Variants in CHIC2 observed in about 807,000 individuals in gnomAD.
CHIC2 encodes the protein cysteine rich hydrophobic domain 2.
CHIC2 carries 14 observed loss-of-function variants against 25.9 expected under a neutral mutation model. That is an observed-to-expected ratio of 0.54 (90% confidence interval 0.36 to 0.85). The LOEUF is 0.85. Ranked by LOEUF, CHIC2 falls within the 40% of genes least tolerant of loss-of-function variation. The pLI is 0.01. For missense variants in CHIC2, 146 were observed against 202.0 expected, an observed-to-expected ratio of 0.72 and a Z score of 1.68; for synonymous variants, 70 against 72.0, an observed-to-expected ratio of 0.97 and a Z score of 0.14.
the CHIC2 span, among the ~76,000 whole-genome samples, chr4:54,088,796 T>C: frequency 6.6e-6 from 1 of 152,214 alleles, no homozygotes; most frequent in Non-Finnish European, 1.5e-5. Flanking sequence ...CGATAGTAGT[T>C]GGAGTGTTAA....
chr4:54,018,424 T>TA (rs1353952166), intron 3 of CHIC2, among the ~76,000 whole-genome samples: 1 of 152,142 alleles, frequency 6.6e-6, no homozygotes, highest in African/African-American at 2.4e-5. Context: ...AGATATAAAT[T>TA]AGTCTTCCAG....
upstream of CHIC2, chr4:54,064,746 C>A (rs1309578054): frequency 1.6e-5 from 11 of 692,854 alleles, 1 homozygote; most frequent in Non-Finnish European, 2.0e-5. The surrounding 1 kb of genome is among the most constrained non-coding windows in gnomAD (Gnocchi z 4.2). Context: ...CGCGCACGTG[C>A]GGCCTCGCGC....
intron 3 of CHIC2, among the ~76,000 whole-genome samples, chr4:54,045,607 T>G (rs1354421933): frequency 6.6e-6 from 1 of 151,936 alleles, no homozygotes; most frequent in Non-Finnish European, 1.5e-5. Context: ...CAACCCTTCA[T>G]GCTAAAAACT....
At chr4:54,058,559 TACACACACACACACACAC>T (rs36034143) in intron 1 of CHIC2, among the ~76,000 whole-genome samples, 1 of 138,478 alleles carries the variant, frequency 7.2e-6, no homozygotes, top group African/African-American at 2.6e-5. Flanking sequence ...TACACACACA[TACACACACACACACACAC>T]ACACACACAC....
In CHIC2 at chr4:54,064,319, C is replaced by A. The variant is rs377554754; in HGVS notation, c.-19G>T. ...CCGCCATCCTGAGCCTCCGAGCTCC[C>A]CTGCCCAAAGGGCCTGACTCCCGGG... On this transcript the variant is annotated 5_prime_UTR_variant, in exon 1 of 6. Transcript: ENST00000263921. The surrounding 1 kb of genome is among the most constrained non-coding windows in gnomAD (Gnocchi z 4.2). 4 of 1,612,942 alleles carry A rather than the reference C, an allele frequency of 2.5e-6. No homozygotes were observed. In the African/African-American group the frequency reaches 5.3e-5, roughly 21 times the overall value.
intron 5 of CHIC2, 85 bp downstream of exon 5, chr4:54,013,752 A>G (rs1715659715): frequency 3.6e-6 from 5 of 1,393,198 alleles, no homozygotes; most frequent in Non-Finnish European, 5.1e-6. Flanking sequence ...ACCTTTGCTG[A>G]TTAATAATCA....
the CHIC2 span, among the ~76,000 whole-genome samples, chr4:54,083,890 G>C: frequency 1.3e-5 from 2 of 152,092 alleles, no homozygotes; most frequent in Non-Finnish European, 2.9e-5. Flanking sequence ...TTTGCTTTCT[G>C]CCACTAAGCA....
intron 3 of CHIC2, among the ~76,000 whole-genome samples, chr4:54,030,907 A>G (rs1716209275): frequency 6.7e-6 from 1 of 148,264 alleles, no homozygotes; most frequent in African/African-American, 2.5e-5. Flanking sequence ...ACGGAGTCTC[A>G]CTGTCGTCTA....
At chr4:54,087,922 C>G in the CHIC2 span, 1 of 203,704 alleles carries the variant, frequency 4.9e-6, no homozygotes, top group Non-Finnish European at 9.9e-6. Context: ...GTTTTCTGTT[C>G]TGTTTTAAAC....
chr4:54,016,226 C>T lies in CHIC2; in HGVS notation c.331-2107G>A, dbSNP rs185093570. Among the ~76,000 whole-genome samples, 22 of 152,148 alleles carry T rather than the reference C, an allele frequency of 1.4e-4. No homozygotes were observed. In the East Asian group the frequency reaches 4.3e-3, roughly 29 times the overall value. The stretch of plus-strand genomic sequence containing the variant: ...AGCTTAATACTACATTCTGCAAATA[C>T]TTATTACTTAAAGAAAAAAATGTAG... On this transcript the variant is annotated intron_variant, in intron 3 of 5. Transcript: ENST00000263921.
Position 54,013,749 on chromosome 4 carries a change from C to T in CHIC2, c.447+88G>A. On this transcript the variant is annotated intron_variant, in intron 5 of 5. Transcript: ENST00000263921. ...GGAGATTAAGCTCCTGACACCTTTGCTGATTAATAATCATGGAAAGAATAA... is the reference window on the plus strand; with the variant it reads ...GGAGATTAAGCTCCTGACACCTTTGTTGATTAATAATCATGGAAAGAATAA... 3.7e-6 allele frequency: 5 copies of T among 1,358,466 alleles called. No individual in the cohort carries two copies. The South Asian group carries it at 6.2e-5, about 17-fold the overall frequency. The allele number at this position is 1,358,466 out of a possible 1,614,324, so 84.2% of individuals were successfully genotyped here. A position where few individuals can be genotyped will look rare whatever the true frequency, so the allele number is the denominator to read the frequency against.
intron 3 of CHIC2, among the ~76,000 whole-genome samples, chr4:54,018,011 G>A (rs999392983): frequency 6.6e-6 from 1 of 152,142 alleles, no homozygotes; most frequent in Non-Finnish European, 1.5e-5. Context: ...TGAGCAACAA[G>A]TAGTAGTAAC....
intron 2 of CHIC2, 49 bp downstream of exon 2, chr4:54,049,202 A>T: frequency 6.4e-7 from 1 of 1,569,964 alleles, no homozygotes; most frequent in South Asian, 1.2e-5. Context: ...TTCTCAGAAA[A>T]AAACTTTCAT....
chr4:54,058,237 A>C (rs978591105), intron 1 of CHIC2, among the ~76,000 whole-genome samples: 5 of 152,162 alleles, frequency 3.3e-5, no homozygotes, highest in African/African-American at 1.2e-4. Context: ...ATAAGTAATA[A>C]TTTATTGAAT....
upstream of CHIC2, among the ~76,000 whole-genome samples, chr4:54,067,921 C>A (rs1022554503): frequency 2.8e-5 from 4 of 144,464 alleles, no homozygotes; most frequent in Non-Finnish European, 6.1e-5. Context: ...GAATTTTGTC[C>A]CCCCCCCCAA....
chr4:54,073,686 A>C, the CHIC2 span, among the ~76,000 whole-genome samples: 1 of 152,198 alleles, frequency 6.6e-6, no homozygotes, highest in Non-Finnish European at 1.5e-5. Context: ...CAGAAATGAC[A>C]AATGTTTATT....
chr4:54,065,061 A>G, upstream of CHIC2, among the ~76,000 whole-genome samples: 1 of 152,222 alleles, frequency 6.6e-6, no homozygotes, highest in East Asian at 1.9e-4. Flanking sequence ...GCTTTTCCTC[A>G]GGTTTTGAGT....
the CHIC2 span, among the ~76,000 whole-genome samples, chr4:54,072,495 C>G: frequency 6.6e-6 from 1 of 152,174 alleles, no homozygotes; most frequent in East Asian, 1.9e-4. Flanking sequence ...ATGTACCAGT[C>G]TGCATCACAC....
intron 1 of CHIC2, among the ~76,000 whole-genome samples, chr4:54,053,556 C>CAA (rs59889546): frequency 1.3e-3 from 95 of 73,728 alleles, no homozygotes; most frequent in Admixed American, 2.5e-3. Context: ...GACTCAGTCT[C>CAA]AAAAAAAAAA....
Sources: gnomAD v4.1 joint callset for allele counts (sites outside exome capture counted in the v4.1 genomes callset) on GRCh38, gnomAD v4.1.1 for gene constraint, Gnocchi (gnomAD v3.1) non-coding constraint, MANE v1.5 for transcripts, NCBI Gene and HGNC (gene_info 2026-07-23, HGNC 2026-07-21) for gene names.